The following PTPN1 variants were observed in gnomAD, a reference collection of about 807,000 sequenced individuals.
The protein encoded by PTPN1 is tyrosine-protein phosphatase non-receptor type 1.
PTPN1 carries 12 observed loss-of-function variants against 59.9 expected under a neutral mutation model. The observed-to-expected ratio is 0.20, with a 90% CI of 0.13 to 0.32. The LOEUF (loss-of-function observed/expected upper bound fraction) is 0.32. Ranked by LOEUF, PTPN1 falls within the 10% of genes least tolerant of loss-of-function variation. The probability of loss-of-function intolerance (pLI) is 1.00; values close to 1 mark genes in which losing one functional copy is unlikely to be tolerated. For synonymous variants in PTPN1, 178 were observed against 203.6 expected (o/e 0.87, Z 1.07); for missense variants, 356 against 549.2 (o/e 0.65, Z 3.52).
intron 5 of PTPN1, among the ~76,000 whole-genome samples, chr20:50,575,652 G>A (rs1030883574): frequency 3.3e-5 from 5 of 152,152 alleles, no homozygotes; most frequent in African/African-American, 1.2e-4. Context: ...AGCCAGGTGC[G>A]GTGGCTCACG....
chr20:50,546,926 T>C (rs766187551), intron 1 of PTPN1, among the ~76,000 whole-genome samples: 4 of 152,208 alleles, frequency 2.6e-5, no homozygotes, highest in Non-Finnish European at 4.4e-5. Context: ...GCCCAGGGCC[T>C]GAAGTTCTTA....
intron 3 of PTPN1, among the ~76,000 whole-genome samples, chr20:50,566,152 C>A (rs1042001407): frequency 3.3e-5 from 5 of 152,102 alleles, no homozygotes; most frequent in African/African-American, 1.2e-4. Context: ...CCTCCCAGCA[C>A]CTCTGGGGTA....
intron 1 of PTPN1, among the ~76,000 whole-genome samples, chr20:50,532,450 C>T (rs953619932): frequency 6.6e-5 from 10 of 152,178 alleles, no homozygotes; most frequent in African/African-American, 2.2e-4. Flanking sequence ...CAGTCCTTAA[C>T]GCACAAATGT....
Position 50,579,290 on chromosome 20 carries a change from C to A in PTPN1, c.825C>A (p.Ile275=), listed in dbSNP as rs371865249. ...TGCGCTTCTCCTACCTGGCTGTGAT[C>A]GAAGGTGCCAAATTCATCATGGGGG... ...DQLRFSYLAV[I]EGAKFIMGDS... The change falls in exon 7 of 10, where the codon ATC becomes ATA. Residue 275 remains isoleucine (I), a synonymous_variant. Coordinates refer to ENST00000371621, the MANE Select transcript of PTPN1 (RefSeq NM_002827.4). 6.2e-7 allele frequency: 1 copy of A among 1,614,212 alleles called. No individual in the cohort carries two copies. Among genetic ancestry groups the A allele is most frequent in the South Asian group, 1.1e-5 (1 of 91,072 alleles).
chr20:50,579,609 T>C, intron 7 of PTPN1, 94 bp from the exon 8 acceptor site: 6 of 1,165,936 alleles, frequency 5.1e-6, no homozygotes, highest in Non-Finnish European at 6.3e-6. Context: ...CGAGAGCCCC[T>C]CGCCAAGCCG....
intron 1 of PTPN1, among the ~76,000 whole-genome samples, chr20:50,543,170 T>A (rs2082659884): frequency 6.6e-6 from 1 of 152,214 alleles, no homozygotes; most frequent in South Asian, 2.1e-4. Context: ...TTTTCAATAT[T>A]TTCTTGTATT....
chr20:50,523,349 C>T (rs1372378270), intron 1 of PTPN1, among the ~76,000 whole-genome samples: 1 of 152,002 alleles, frequency 6.6e-6, no homozygotes, highest in African/African-American at 2.4e-5. Flanking sequence ...GAGAATGCTC[C>T]GAAGCTTCAG....
In PTPN1 at chr20:50,582,578, C is replaced by G. The variant is rs1188504290; in HGVS notation, c.1285-114C>G. On this transcript the variant is annotated intron_variant, in intron 9 of 9. Coordinates refer to ENST00000371621, the MANE Select transcript of PTPN1 (RefSeq NM_002827.4). This position sits in a 1 kb window ranked among gnomAD's most constrained non-coding sequence, Gnocchi z 4.2. ...ACTGTAAAAAATAAAACCAAAACCC[C>G]CTTTGCTCCCTCGGAGGTTGAAGTT... The G allele has an allele frequency of 1.6e-5, 17 of 1,065,440 alleles. No individual in the cohort carries two copies. The highest frequency in any genetic ancestry group is 2.4e-5 in the Non-Finnish European group (17 of 717,562). 66.0% of individuals were successfully genotyped at this position (1,065,440 alleles called of 1,614,324 possible). A position where few individuals can be genotyped will look rare whatever the true frequency, so the allele number is the denominator to read the frequency against.
intron 4 of PTPN1, among the ~76,000 whole-genome samples, chr20:50,570,030 G>A (rs1313391849): frequency 2.6e-5 from 4 of 152,246 alleles, no homozygotes; most frequent in Admixed American, 1.3e-4. Context: ...GCTAGGACAC[G>A]GCTCTCACAG....
At position 50,510,606 on chromosome 20, in the gene PTPN1, G is replaced by A. The variant is rs2082502289; in HGVS notation, c.63+16G>A. On this transcript the variant is annotated intron_variant, in intron 1 of 9. Transcript: ENST00000371621. ...CATTTACCAGGTGCGGGAGCGCCCCGGAGCGTGGCGGGCCCTTCGCTTAGG... is the reference window on the plus strand; with the variant it reads ...CATTTACCAGGTGCGGGAGCGCCCCAGAGCGTGGCGGGCCCTTCGCTTAGG... 6.5e-7 allele frequency: 1 copy of A among 1,550,224 alleles called. No individual in the cohort carries two copies. The highest frequency in any genetic ancestry group is 8.7e-7 in the Non-Finnish European group (1 of 1,146,300).
chr20:50,517,427 G>C (rs1401255709), intron 1 of PTPN1, among the ~76,000 whole-genome samples: 3 of 151,920 alleles, frequency 2.0e-5, no homozygotes, highest in Non-Finnish European at 4.4e-5. Context: ...GCTAATTTTT[G>C]TATTTTTTTG....
intron 1 of PTPN1, among the ~76,000 whole-genome samples, chr20:50,538,931 G>T (rs567276881): frequency 1.3e-5 from 2 of 151,650 alleles, no homozygotes; most frequent in African/African-American, 4.8e-5. Context: ...CCTCTGCCTC[G>T]GACATAGCTG....
At chr20:50,579,950 G>A in intron 8 of PTPN1, 24 bp downstream of exon 8, 7 of 1,598,154 alleles carry the variant, frequency 4.4e-6, no homozygotes, top group African/African-American at 1.3e-5. Flanking sequence ...GTCCCAGCTT[G>A]TTGGGGTGAG....
In PTPN1 at chr20:50,531,603, C is replaced by T. The variant is rs2082601385; in HGVS notation, c.63+21013C>T. On this transcript the variant is annotated intron_variant, in intron 1 of 9. Transcript: ENST00000371621. ...TGTTGGCCAGGCTGGTCTCAAACTC[C>T]TGACCTCAGGTGATCTGTCTGCCTC... Among the ~76,000 whole-genome samples the T allele has an allele frequency of 1.3e-5, 2 of 152,190 alleles. 1 individual carries two copies. The highest frequency in any genetic ancestry group is 4.1e-4 in the South Asian group (2 of 4,832).
In PTPN1 at chr20:50,550,964, C is replaced by T. The variant is rs6096004; in HGVS notation, c.64-10399C>T. On this transcript the variant is annotated intron_variant, in intron 1 of 9. Transcript: ENST00000371621. Reference sequence around the variant, plus strand: ...CTTAATATAAACATGGAAATATTTCCGCAAGGATAAACTGGCTTTTATGCC... The same window carrying T: ...CTTAATATAAACATGGAAATATTTCTGCAAGGATAAACTGGCTTTTATGCC... Among the ~76,000 whole-genome samples the T allele has an allele frequency of 6.4e-3, 967 of 152,238 alleles. 8 individuals carry two copies. Among genetic ancestry groups the T allele is most frequent in the African/African-American group, 0.022 (919 of 41,512 alleles).
chr20:50,579,449 A>G, intron 7 of PTPN1, 120 bp downstream of exon 7: 1 of 1,210,808 alleles, frequency 8.3e-7, no homozygotes, highest in Non-Finnish European at 1.2e-6. Context: ...GCTACCCTTC[A>G]TGTTTAAAAT....
intron 1 of PTPN1, among the ~76,000 whole-genome samples, chr20:50,554,380 A>ATTCTCTCTCTCTCTCTCTCTCTC (rs11481722): frequency 0.016 from 2,216 of 140,210 alleles, 107 homozygotes; most frequent in East Asian, 0.058. Context: ...GCAAGACCAC[A>ATTCTCTCTCTCTCTCTCTCTCTC]TCTCTCTCTC....
chr20:50,525,937 A>G (rs368991295), intron 1 of PTPN1, among the ~76,000 whole-genome samples: 36 of 152,230 alleles, frequency 2.4e-4, no homozygotes, highest in African/African-American at 8.7e-4. Flanking sequence ...GCAGTTTTGA[A>G]GAAGGGGATG....
chr20:50,559,221 C>T (rs953098463), intron 1 of PTPN1, among the ~76,000 whole-genome samples: 2 of 151,920 alleles, frequency 1.3e-5, no homozygotes, highest in Non-Finnish European at 2.9e-5. Flanking sequence ...TTAATAGAGA[C>T]GAGGTTTCAC....
Sources: allele counts gnomAD v4.1 joint callset (sites outside exome capture counted in the v4.1 genomes callset), GRCh38; gene constraint gnomAD v4.1.1; non-coding constraint Gnocchi (gnomAD v3.1); transcripts MANE v1.5; gene names NCBI Gene and HGNC (gene_info 2026-07-23, HGNC 2026-07-21).